The following BSX variants were observed in gnomAD, a reference collection of about 807,000 sequenced individuals.
The protein encoded by BSX is brain specific homeobox.
BSX carries 12 observed loss-of-function variants against 16.9 expected under a neutral mutation model. The observed-to-expected ratio is 0.71, with a 90% CI of 0.46 to 1.15. The LOEUF (loss-of-function observed/expected upper bound fraction) is 1.15, where lower values mean the gene tolerates loss of function less well. Ranked by LOEUF, BSX falls within the 50% of genes most tolerant of loss-of-function variation. The pLI, the probability that BSX is intolerant of heterozygous loss-of-function variation, is 0.00. For missense variants in BSX, 292 were observed against 311.8 expected, an observed-to-expected ratio of 0.94 and a Z score of 0.48; for synonymous variants, 160 against 136.4, an observed-to-expected ratio of 1.17 and a Z score of -1.20.
chr11:122,978,773 C>CT (rs915916951), intron 2 of BSX, among the ~76,000 whole-genome samples: 15 of 101,244 alleles, frequency 1.5e-4, no homozygotes, highest in Middle Eastern at 6.3e-3. Flanking sequence ...GGTGTCGGTA[C>CT]TTTTTTTTTT....
rs1263460514 is a variant in BSX at position 122,981,496 on chromosome 11, A to G, written c.176T>C (p.Met59Thr). 1.3e-6 allele frequency: 2 copies of G among 1,587,674 alleles called. No homozygotes were observed. The highest frequency in any genetic ancestry group is 1.7e-6 in the Non-Finnish European group (2 of 1,166,960). Residue 59 changes from methionine (M) to threonine (T), a missense_variant, in exon 1 of 3, where the codon ATG becomes ACG. This residue lies in a region of BSX where 176 missense variants were observed against 187.2 expected (regional missense o/e 0.94). Coordinates refer to ENST00000343035, the MANE Select transcript of BSX (RefSeq NM_001098169.2). ...VPLLDYGYPLMPTPTLLAPHA... is the reference protein window; with the variant it reads ...VPLLDYGYPLTPTPTLLAPHA... The stretch of plus-strand genomic sequence containing the variant: ...AGGAGCCAAGAGGGTGGGTGTGGGC[A>G]TGAGGGGGTAGCCATAGTCTAGCAG...
intron 2 of BSX, among the ~76,000 whole-genome samples, chr11:122,978,463 G>A (rs2039765579): frequency 6.6e-6 from 1 of 152,130 alleles, no homozygotes; most frequent in Non-Finnish European, 1.5e-5. Flanking sequence ...TTAAACCATA[G>A]TGTGTGTGTT....
chr11:122,980,626 C>T (rs1018167478), intron 1 of BSX, among the ~76,000 whole-genome samples: 1 of 152,142 alleles, frequency 6.6e-6, no homozygotes, highest in Non-Finnish European at 1.5e-5. Context: ...ATGGATGTGG[C>T]CTTTCAGAGG....
chr11:122,978,637 G>T (rs994451586), intron 2 of BSX, among the ~76,000 whole-genome samples: 8 of 152,072 alleles, frequency 5.3e-5, no homozygotes, highest in Non-Finnish European at 7.4e-5. Flanking sequence ...GGAGAGGAGT[G>T]AGGAAGGCAT....
intron 1 of BSX, among the ~76,000 whole-genome samples, chr11:122,980,641 CAG>C (rs536694813): frequency 1.5e-3 from 235 of 152,210 alleles, no homozygotes; most frequent in African/African-American, 5.3e-3. Context: ...CAGAGGGAGA[CAG>C]AAAAAAATCG....
chr11:122,981,774 C>A lies in BSX; in HGVS notation c.-103G>T. 8.3e-7 allele frequency: 1 copy of A among 1,210,252 alleles called. No homozygotes were observed. Among genetic ancestry groups the A allele is most frequent in the Non-Finnish European group, 1.1e-6 (1 of 884,256 alleles). 75.0% of individuals were successfully genotyped at this position (1,210,252 alleles called of 1,614,324 possible). A position where few individuals can be genotyped will look rare whatever the true frequency, so the allele number is the denominator to read the frequency against. ...AAGCCGGCAACCACCCTCCGAGGCT[C>A]GAATCTCCGCTGCTCTCTCCCGGGC... On this transcript the variant is annotated 5_prime_UTR_variant, in exon 1 of 3. Coordinates refer to ENST00000343035, the MANE Select transcript of BSX (RefSeq NM_001098169.2).
intron 1 of BSX, among the ~76,000 whole-genome samples, chr11:122,980,353 G>A (rs1480379400): frequency 6.6e-6 from 1 of 152,188 alleles, no homozygotes; most frequent in African/African-American, 2.4e-5. Flanking sequence ...CGGGTACTTA[G>A]GGCTTTGGCC....
In BSX at chr11:122,981,696, A is replaced by C; in HGVS notation, c.-25T>G. The C allele has an allele frequency of 6.4e-7, 1 of 1,568,002 alleles. No homozygotes were observed. The highest frequency in any genetic ancestry group is 8.6e-7 in the Non-Finnish European group (1 of 1,158,472). ...TCTTGAGCGGAGCACCTGCCACAGG[A>C]CAAGGGCCGGGACGAAGTGGAGGAC... On this transcript the variant is annotated 5_prime_UTR_variant, in exon 1 of 3. Coordinates refer to ENST00000343035, the MANE Select transcript of BSX (RefSeq NM_001098169.2).
rs1378788412 is a variant in BSX at position 122,981,593 on chromosome 11, G to A, written c.79C>T (p.Leu27=). Residue 27 remains leucine (L), a synonymous_variant, in exon 1 of 3, where the codon CTG becomes TTG. Coordinates refer to ENST00000343035, the MANE Select transcript of BSX (RefSeq NM_001098169.2). ...TCTCTCAGCGGCTTGGGCTTGTGCA[G>A]CAGGATGTCCTCGATGAAGAAGGAT... ...PTSFFIEDIL[L]HKPKPLREVA... 4.4e-6 allele frequency: 7 copies of A among 1,598,700 alleles called. No individual in the cohort carries two copies. Among genetic ancestry groups the A allele is most frequent in the Non-Finnish European group, 4.3e-6 (5 of 1,172,958 alleles).
At chr11:122,981,332 G>T in intron 1 of BSX, 78 bp downstream of exon 1, 1 of 1,356,718 alleles carries the variant, frequency 7.4e-7, no homozygotes, top group Non-Finnish European at 9.8e-7. Context: ...GCCTTTCCTT[G>T]ACTCCATCAC....
At position 122,979,387 on chromosome 11, in the gene BSX, G is replaced by T; in HGVS notation, c.333C>A (p.Arg111=). 1 of 1,614,056 alleles carries T rather than the reference G, an allele frequency of 6.2e-7. No individual in the cohort carries two copies. Among genetic ancestry groups the T allele is most frequent in the Non-Finnish European group, 8.5e-7 (1 of 1,179,982 alleles). ...AGTCAGAGAAAACCGTGCGGGCTTT[G>T]CGGCGGCGGCAGTGCTTCCCCGGCA... is the stretch of plus-strand genomic sequence containing the variant. ...AELPGKHCRR[R]KARTVFSDSQ... Residue 111 remains arginine (R), a synonymous_variant, in exon 2 of 3, where the codon CGC becomes CGA. Coordinates refer to ENST00000343035, the MANE Select transcript of BSX (RefSeq NM_001098169.2).
chr11:122,980,801 T>A (rs906689565), intron 1 of BSX, among the ~76,000 whole-genome samples: 2 of 151,900 alleles, frequency 1.3e-5, no homozygotes, highest in African/African-American at 2.4e-5. Context: ...AGATTGTGAG[T>A]TAAATGTTAG....
Position 122,977,641 on chromosome 11 carries a change from C to G in BSX, c.*8G>C, listed in dbSNP as rs1242946466. The G allele has an allele frequency of 8.1e-6, 13 of 1,605,700 alleles. No individual in the cohort carries two copies. Among genetic ancestry groups the G allele is most frequent in the Non-Finnish European group, 1.1e-5 (13 of 1,179,532 alleles). On this transcript the variant is annotated 3_prime_UTR_variant, in exon 3 of 3. Transcript: ENST00000343035. This position sits in a 1 kb window ranked among gnomAD's most constrained non-coding sequence, Gnocchi z 4.5. Reference sequence around the variant, plus strand: ...TCCCCTGCCTACTACCCTCCCCAGCCTGGCGGCTCAGAGCACGTGCGGCCC... The same window carrying G: ...TCCCCTGCCTACTACCCTCCCCAGCGTGGCGGCTCAGAGCACGTGCGGCCC...
intron 2 of BSX, among the ~76,000 whole-genome samples, chr11:122,978,961 A>T (rs1864534030): frequency 6.6e-6 from 1 of 150,728 alleles, no homozygotes; most frequent in Admixed American, 6.6e-5. Flanking sequence ...GCGCGCCACC[A>T]CGCCTGACTA....
chr11:122,980,593 T>C (rs901270015), intron 1 of BSX, among the ~76,000 whole-genome samples: 8 of 152,144 alleles, frequency 5.3e-5, no homozygotes, highest in South Asian at 2.1e-4. Context: ...TCTGGCTAGA[T>C]TGAAAACGCC....
rs1318588912 is a variant in BSX, at chr11:122,981,490, G to A, written c.182C>T (p.Thr61Ile). 1.3e-6 allele frequency: 2 copies of A among 1,585,670 alleles called. No homozygotes were observed. The highest frequency in any genetic ancestry group is 2.3e-5 in the East Asian group (1 of 43,864). ...GGCGTGAGGAGCCAAGAGGGTGGGT[G>A]TGGGCATGAGGGGGTAGCCATAGTC... ...LLDYGYPLMP[T>I]PTLLAPHAHH... Residue 61 changes from threonine to isoleucine, a missense_variant, in exon 1 of 3, where the codon ACA becomes ATA. Thr to Ile is a moderately conservative substitution (Grantham distance 89). This residue lies in a region of BSX where 176 missense variants were observed against 187.2 expected (regional missense o/e 0.94). Transcript: ENST00000343035.
intron 1 of BSX, 71 bp from the exon 2 acceptor site, chr11:122,979,528 C>T (rs765127416): frequency 1.4e-4 from 199 of 1,396,836 alleles, no homozygotes; most frequent in Non-Finnish European, 1.9e-4. Context: ...CCGCTCCCCT[C>T]CCCTCCCCTA....
At position 122,977,767 on chromosome 11, in the gene BSX, G is replaced by A; in HGVS notation, c.584C>T (p.Ala195Val). The A allele has an allele frequency of 6.2e-7, 1 of 1,613,102 alleles. No individual in the cohort carries two copies. The highest frequency in any genetic ancestry group is 8.5e-7 in the Non-Finnish European group (1 of 1,179,568). ...GCTCAGCCGAGCCTCGGCGGCGGTG[G>A]CGGCCTCTGAACCGCGGGGGCTGCC... Reference protein sequence around the residue: ...PEGSPRGSEAATAAEARLSLP... With the variant: ...PEGSPRGSEAVTAAEARLSLP... Residue 195 changes from alanine to valine, a missense_variant, in exon 3 of 3, where the codon GCC becomes GTC. Ala to Val is a moderately conservative substitution (Grantham distance 64, BLOSUM62 0). This residue lies in a region of BSX where 107 missense variants were observed against 97.1 expected (regional missense o/e 1.10). Transcript: ENST00000343035. The surrounding 1 kb of genome is among the most constrained non-coding windows in gnomAD (Gnocchi z 4.5).
In BSX at chr11:122,977,657, C is replaced by G. The variant is rs199711565; in HGVS notation, c.694G>C (p.Val232Leu). Reference sequence around the variant, plus strand: ...CTCCCCAGCCTGGCGGCTCAGAGCACGTGCGGCCCTGAGCCCAGCTCCCCC... The same window carrying G: ...CTCCCCAGCCTGGCGGCTCAGAGCAGGTGCGGCCCTGAGCCCAGCTCCCCC... ...DEGELGSGPH[V>L]L Residue 232 changes from valine (V) to leucine (L), a missense_variant, in exon 3 of 3, where the codon GTG becomes CTG. Physicochemically the swap from Val to Leu is conservative, Grantham distance 32 (BLOSUM62 1). Around this residue, in one of 3 missense-constraint regions of BSX, gnomAD observed 107 missense variants for 97.1 expected, o/e 1.10. Transcript: ENST00000343035. This position sits in a 1 kb window ranked among gnomAD's most constrained non-coding sequence, Gnocchi z 4.5. 1,336 of 1,608,664 alleles carry G rather than the reference C, an allele frequency of 8.3e-4. No homozygotes were observed. Among genetic ancestry groups the G allele is most frequent in the Non-Finnish European group, 1.0e-3 (1,222 of 1,179,786 alleles).
Sources: allele counts gnomAD v4.1 joint callset (sites outside exome capture counted in the v4.1 genomes callset), GRCh38; gene constraint gnomAD v4.1.1; regional missense constraint gnomAD v4.1.1; non-coding constraint Gnocchi (gnomAD v3.1); transcripts MANE v1.5; gene names NCBI Gene and HGNC (gene_info 2026-07-23, HGNC 2026-07-21).